Variants in EPB41L3 observed in about 807,000 individuals in gnomAD.
EPB41L3 encodes the protein erythrocyte membrane protein band 4.1 like 3, also known as band 4.1-like protein 3.
A neutral mutation model predicts 127.1 loss-of-function variants in EPB41L3; 57 were observed. That is an observed-to-expected ratio of 0.45 (90% CI 0.36 to 0.56). The LOEUF (loss-of-function observed/expected upper bound fraction) is 0.56. Among genes scored for constraint, EPB41L3 ranks in the 20% least tolerant of loss-of-function variants. EPB41L3 has a pLI of 0.00. For missense variants in EPB41L3, 1,273 were observed against 1,372.2 expected, an observed-to-expected ratio of 0.93 and a Z score of 1.14; for synonymous variants, 572 against 549.5, an observed-to-expected ratio of 1.04 and a Z score of -0.57.
intron 3 of EPB41L3, among the ~76,000 whole-genome samples, chr18:5,569,015 AATT>A (rs1380482870): frequency 6.6e-6 from 1 of 152,224 alleles, no homozygotes; most frequent in African/African-American, 2.4e-5. Context: ...AATCTTACAA[AATT>A]CCTCTTGATT....
At chr18:5,589,714 A>C (rs1207224849) in intron 3 of EPB41L3, among the ~76,000 whole-genome samples, 11 of 152,200 alleles carry the variant, frequency 7.2e-5, no homozygotes, top group African/African-American at 2.4e-4. Context: ...TTGAAAAAGA[A>C]AAAGTTACGC....
intron 3 of EPB41L3, among the ~76,000 whole-genome samples, chr18:5,451,337 G>A (rs1008816134): frequency 3.3e-5 from 5 of 152,094 alleles, no homozygotes; most frequent in African/African-American, 1.2e-4. Flanking sequence ...TCCATCTCAG[G>A]CATTACCCAT....
At chr18:5,608,037 G>T (rs565604270) in intron 3 of EPB41L3, among the ~76,000 whole-genome samples, 1 of 152,262 alleles carries the variant, frequency 6.6e-6, no homozygotes, top group South Asian at 2.1e-4. Context: ...GTGGCCTCTG[G>T]CAGGTTTAGC....
Position 5,597,859 on chromosome 18 carries a change from T to TCAAG in EPB41L3, c.-306+14477_-306+14480dup, listed in dbSNP as rs533739467. ...CTCTGGAAGCTGCTCTTCACACCACTCAAGACCAGGAGAGTAGCACCAGCC... is the reference window on the plus strand; with the variant it reads ...CTCTGGAAGCTGCTCTTCACACCACTCAAGCAAGACCAGGAGAGTAGCACCAGCC... On this transcript the variant is annotated intron_variant, in intron 3 of 21. Coordinates refer to the EPB41L3 transcript ENST00000545076. 7.2e-5 allele frequency among the ~76,000 whole-genome samples: 11 copies of TCAAG among 152,180 alleles called. No homozygotes were observed. In the South Asian group the frequency reaches 2.3e-3, roughly 32 times the overall value.
At chr18:5,490,649 TTTC>T (rs1478073868) in intron 1 of EPB41L3, among the ~76,000 whole-genome samples, 2 of 152,184 alleles carry the variant, frequency 1.3e-5, no homozygotes, top group African/African-American at 4.8e-5. Flanking sequence ...ATGAACAGAC[TTTC>T]TTTTTTCCTG....
At chr18:5,437,034 A>G (rs895850507) in intron 6 of EPB41L3, among the ~76,000 whole-genome samples, 1 of 152,224 alleles carries the variant, frequency 6.6e-6, no homozygotes, top group African/African-American at 2.4e-5. Flanking sequence ...CTGGTCATAA[A>G]CTTACTACGG....
chr18:5,443,708 T>C, intron 5 of EPB41L3, 130 bp downstream of exon 5: 1 of 659,920 alleles, frequency 1.5e-6, no homozygotes, highest in Non-Finnish European at 2.6e-6. Flanking sequence ...ACTATCGGAA[T>C]TGCCAGATCA....
intron 16 of EPB41L3, chr18:5,399,665 T>C: frequency 3.6e-6 from 1 of 274,870 alleles, no homozygotes; most frequent in Non-Finnish European, 6.7e-6. Flanking sequence ...TTTGCTCTTA[T>C]GATAAATTTT....
chr18:5,469,603 G>A (rs1288873895), intron 3 of EPB41L3, among the ~76,000 whole-genome samples: 2 of 152,170 alleles, frequency 1.3e-5, no homozygotes, highest in South Asian at 2.1e-4. Flanking sequence ...TCGAGTGGGC[G>A]GAATGAGCCC....
At position 5,478,329 on chromosome 18, in the gene EPB41L3, C is replaced by T. The variant is rs142277051; in HGVS notation, c.293G>A (p.Arg98Gln). 1.5e-5 allele frequency: 24 copies of T among 1,613,922 alleles called. No homozygotes were observed. Among genetic ancestry groups the T allele is most frequent in the Middle Eastern group, 1.6e-4 (1 of 6,084 alleles). The change falls in exon 3 of 23, where the codon CGG becomes CAG. Residue 98 changes from arginine to glutamine, a missense_variant. Arg to Gln is a conservative substitution (Grantham distance 43, BLOSUM62 1). This residue lies in a region of EPB41L3 where 182 missense variants were observed against 149.2 expected (regional missense o/e 1.22). Transcript: ENST00000341928. ...CTTTTTGACAATCTTTAATGGAGAC[C>T]GAGAGAGTTTACTGCTAGATGATTT... The part of the protein sequence containing the change: ...SQKSSSSKLS[R>Q]SPLKIVKKPK...
intron 3 of EPB41L3, among the ~76,000 whole-genome samples, chr18:5,474,229 TA>T (rs879936689): frequency 5.1e-3 from 706 of 137,500 alleles, no homozygotes; most frequent in Admixed American, 4.8e-3. Context: ...AGACTCTGTC[TA>T]AAAAAAAAAA....
chr18:5,630,008 T>C (rs1279119467), upstream of EPB41L3, among the ~76,000 whole-genome samples: 2 of 152,178 alleles, frequency 1.3e-5, no homozygotes, highest in Non-Finnish European at 2.9e-5. Flanking sequence ...AACCGAAGAC[T>C]GGTGCGCTCG....
chr18:5,428,236 T>A (rs781325114), intron 9 of EPB41L3, 77 bp downstream of exon 9: 9 of 1,553,776 alleles, frequency 5.8e-6, no homozygotes, highest in Non-Finnish European at 7.9e-6. Flanking sequence ...TCAGAACTCA[T>A]AAGCAGATAA....
At chr18:5,513,388 G>T (rs1276362941) in intron 1 of EPB41L3, among the ~76,000 whole-genome samples, 1 of 152,170 alleles carries the variant, frequency 6.6e-6, no homozygotes, top group Admixed American at 6.5e-5. Context: ...TAGAAAAAAG[G>T]AAAGGGTAGG....
intron 8 of EPB41L3, among the ~76,000 whole-genome samples, chr18:5,432,700 C>T (rs2079163695): frequency 6.6e-6 from 1 of 152,172 alleles, no homozygotes; most frequent in African/African-American, 2.4e-5. Flanking sequence ...GTCAAAGCTG[C>T]TCTGTGTATC....
intron 1 of EPB41L3, among the ~76,000 whole-genome samples, chr18:5,496,828 A>G (rs1421691596): frequency 6.6e-6 from 1 of 152,214 alleles, no homozygotes; most frequent in Non-Finnish European, 1.5e-5. Flanking sequence ...ACATTTCCTG[A>G]ACAGCTGTTT....
chr18:5,410,657 G>A, intron 13 of EPB41L3, 38 bp from the exon 14 acceptor site: 1 of 1,586,856 alleles, frequency 6.3e-7, no homozygotes, highest in Non-Finnish European at 8.6e-7. Flanking sequence ...CAGGAGGAAG[G>A]CAGGGACAGA....
intron 1 of EPB41L3, among the ~76,000 whole-genome samples, chr18:5,623,714 C>T (rs2144276384): frequency 6.6e-6 from 1 of 150,720 alleles, no homozygotes; most frequent in East Asian, 2.0e-4. Flanking sequence ...GTGGTGCAAT[C>T]TTGGCTCACT....
At chr18:5,590,219 G>A (rs2094473927) in intron 3 of EPB41L3, among the ~76,000 whole-genome samples, 1 of 152,094 alleles carries the variant, frequency 6.6e-6, no homozygotes, top group Non-Finnish European at 1.5e-5. Flanking sequence ...CCTCTGAGCT[G>A]CCTATATCAG....
Sources: gnomAD v4.1 joint callset for allele counts (sites outside exome capture counted in the v4.1 genomes callset) on GRCh38, gnomAD v4.1.1 for gene constraint, gnomAD v4.1.1 regional missense constraint, MANE v1.5 for transcripts, NCBI Gene and HGNC (gene_info 2026-07-23, HGNC 2026-07-21) for gene names.